The following ASTN1 variants were observed in gnomAD, a reference collection of about 807,000 sequenced individuals.
ASTN1 encodes astrotactin 1.
In ASTN1, 41 loss-of-function variants were observed where a neutral mutation model predicts 140.7. The ratio of observed to expected loss-of-function variants is 0.29; its 90% CI spans 0.23 to 0.38. The LOEUF (loss-of-function observed/expected upper bound fraction) is 0.38. ASTN1 is among the 10% of genes least tolerant of loss of function. The pLI, the probability that ASTN1 is intolerant of heterozygous loss-of-function variation, is 1.00. For missense variants in ASTN1, 1,479 were observed against 1,678.8 expected, an observed-to-expected ratio of 0.88 and a Z score of 2.08; for synonymous variants, 640 against 652.2, an observed-to-expected ratio of 0.98 and a Z score of 0.29.
At chr1:176,964,842 C>T (rs1672808835) in intron 9 of ASTN1, among the ~76,000 whole-genome samples, 1 of 152,156 alleles carries the variant, frequency 6.6e-6, no homozygotes, top group African/African-American at 2.4e-5. Context: ...TCATATATCC[C>T]TCACAATAAC....
Position 176,978,896 on chromosome 1 carries a change from A to G in ASTN1, c.1524-13659T>C, listed in dbSNP as rs143449109. The stretch of plus-strand genomic sequence containing the variant: ...TGAGGCTCAGAGAGGCTGAATTGCC[A>G]AAAATCATACCTAAGAGAAATGAGG... On this transcript the variant is annotated intron_variant, in intron 8 of 22. Transcript: ENST00000361833. Among the ~76,000 whole-genome samples the G allele has an allele frequency of 3.2e-3, 493 of 152,272 alleles. 7 individuals carry two copies. The highest frequency in any genetic ancestry group is 0.011 in the African/African-American group (456 of 41,558).
At position 176,916,759 on chromosome 1, in the gene ASTN1, C is replaced by T. The variant is rs541083407; in HGVS notation, c.2671+17393G>A. 2.0e-4 allele frequency among the ~76,000 whole-genome samples: 30 copies of T among 152,310 alleles called. 1 individual carries two copies. Among genetic ancestry groups the T allele is most frequent in the African/African-American group, 5.5e-4 (23 of 41,578 alleles). On this transcript the variant is annotated intron_variant, in intron 16 of 22. Transcript: ENST00000361833. ...TTTCACATCTCCCAAGCATCCTCCA[C>T]GCTGTCATTACATGTATGTTTCTAA...
At chr1:176,985,851 C>T (rs1389854033) in intron 8 of ASTN1, among the ~76,000 whole-genome samples, 4 of 126,970 alleles carry the variant, frequency 3.2e-5, no homozygotes, top group African/African-American at 6.5e-5. Flanking sequence ...TCTCTACACA[C>T]ACACACACAC....
intron 8 of ASTN1, among the ~76,000 whole-genome samples, chr1:176,981,089 G>T (rs1468464905): frequency 6.6e-6 from 1 of 151,664 alleles, no homozygotes; most frequent in African/African-American, 2.4e-5. Context: ...CCAGGTGCCT[G>T]TAATCCCAGC....
chr1:177,081,340 T>A (rs1157939238), intron 1 of ASTN1, among the ~76,000 whole-genome samples: 4 of 152,122 alleles, frequency 2.6e-5, no homozygotes, highest in Admixed American at 6.6e-5. Context: ...ATTACAAATA[T>A]GAATGAGCTT....
chr1:176,892,528 T>C (rs1181133091), intron 17 of ASTN1, among the ~76,000 whole-genome samples: 1 of 152,202 alleles, frequency 6.6e-6, no homozygotes, highest in Non-Finnish European at 1.5e-5. Context: ...ACAACAAGTA[T>C]GAGTTTGTGC....
intron 8 of ASTN1, among the ~76,000 whole-genome samples, chr1:177,005,386 A>C (rs1185860238): frequency 6.6e-6 from 1 of 152,222 alleles, no homozygotes; most frequent in African/African-American, 2.4e-5. Flanking sequence ...GGGAATGTAA[A>C]TTGTAACAAC....
intron 8 of ASTN1, among the ~76,000 whole-genome samples, chr1:176,979,136 G>T (rs565025908): frequency 1.1e-4 from 17 of 152,150 alleles, no homozygotes; most frequent in Non-Finnish European, 2.4e-4. Context: ...GAGAAAGTAA[G>T]GGTTAAGCCC....
At chr1:176,894,505 G>T (rs1231604258) in intron 17 of ASTN1, 57 bp downstream of exon 17, 3 of 1,577,264 alleles carry the variant, frequency 1.9e-6, no homozygotes, top group African/African-American at 1.4e-5. Context: ...CACACCATTT[G>T]GAAAGCCTTC....
chr1:177,109,979 C>T (rs1454579222), intron 1 of ASTN1, among the ~76,000 whole-genome samples: 2 of 152,152 alleles, frequency 1.3e-5, no homozygotes, highest in East Asian at 3.9e-4. Flanking sequence ...TTTAATTATA[C>T]TTCTGAATAT....
At chr1:177,130,873 G>A (rs1475361873) in intron 1 of ASTN1, among the ~76,000 whole-genome samples, 1 of 152,228 alleles carries the variant, frequency 6.6e-6, no homozygotes, top group African/African-American at 2.4e-5. Flanking sequence ...GTTTGCAGAG[G>A]CTGGTTGTTA....
chr1:176,940,453 A>G (rs1048536070), intron 14 of ASTN1, among the ~76,000 whole-genome samples: 4 of 152,196 alleles, frequency 2.6e-5, no homozygotes, highest in Admixed American at 2.0e-4. Flanking sequence ...AGAAAGTACA[A>G]TATGCACCCC....
At chr1:176,885,625 T>C (rs1391886224) in intron 18 of ASTN1, among the ~76,000 whole-genome samples, 2 of 152,200 alleles carry the variant, frequency 1.3e-5, no homozygotes, top group East Asian at 1.9e-4. Flanking sequence ...CAGGTGCCTG[T>C]CGGTCGTCTC....
At chr1:177,032,409 C>G (rs1676484655) in intron 3 of ASTN1, 47 bp downstream of exon 3, 1 of 1,585,198 alleles carries the variant, frequency 6.3e-7, no homozygotes, top group Non-Finnish European at 8.6e-7. Flanking sequence ...TCCCCAGCTC[C>G]TTGAGATGAA....
chr1:177,008,095 T>C (rs756770554), intron 8 of ASTN1, among the ~76,000 whole-genome samples: 13 of 152,292 alleles, frequency 8.5e-5, no homozygotes, highest in Non-Finnish European at 1.9e-4. Context: ...GAGGGGACGA[T>C]TCTGTTAAGT....
chr1:177,070,969 A>C (rs1218524429), intron 1 of ASTN1, among the ~76,000 whole-genome samples: 1 of 152,192 alleles, frequency 6.6e-6, no homozygotes, highest in East Asian at 1.9e-4. Context: ...CACTCACATA[A>C]ATCCTAAAAT....
intron 8 of ASTN1, among the ~76,000 whole-genome samples, chr1:176,993,339 G>A (rs1441905141): frequency 3.9e-5 from 6 of 152,186 alleles, no homozygotes; most frequent in Admixed American, 3.3e-4. Flanking sequence ...ATACTGTCTT[G>A]AATTTTCTTA....
intron 16 of ASTN1, among the ~76,000 whole-genome samples, chr1:176,929,334 G>A (rs1239408435): frequency 6.6e-6 from 1 of 152,226 alleles, no homozygotes; most frequent in Non-Finnish European, 1.5e-5. Flanking sequence ...GATGCAGGAG[G>A]AGTCAAAGTC....
intron 16 of ASTN1, among the ~76,000 whole-genome samples, chr1:176,933,341 A>G (rs996030147): frequency 9.9e-5 from 15 of 152,198 alleles, no homozygotes; most frequent in African/African-American, 3.6e-4. Context: ...AAGATGGCCC[A>G]TTTCTTGAGT....
Sources: gnomAD v4.1 joint callset for allele counts (sites outside exome capture counted in the v4.1 genomes callset) on GRCh38, gnomAD v4.1.1 for gene constraint, MANE v1.5 for transcripts, NCBI Gene and HGNC (gene_info 2026-07-23, HGNC 2026-07-21) for gene names.